PTPRD: variants seen among roughly 807,000 people sequenced by gnomAD.
PTPRD encodes protein tyrosine phosphatase receptor type D.
A neutral mutation model predicts 214.5 loss-of-function variants in PTPRD; 34 were observed. That is an observed-to-expected ratio of 0.16 (90% confidence interval 0.12 to 0.21). PTPRD has a LOEUF of 0.21. Ranked by LOEUF, PTPRD falls within the 10% of genes least tolerant of loss-of-function variation. The pLI, the probability that PTPRD is intolerant of heterozygous loss-of-function variation, is 1.00. For missense variants in PTPRD, 2,545 were observed against 2,398.7 expected (o/e 1.06, Z -1.27); for synonymous variants, 1,128 against 845.7 (o/e 1.33, Z -5.79).
At chr9:9,898,535 T>C (rs751479960) in intron 5 of PTPRD, among the ~76,000 whole-genome samples, 3 of 152,112 alleles carry the variant, frequency 2.0e-5, no homozygotes, top group East Asian at 1.9e-4. Context: ...AGCTCTAGAT[T>C]ACGCTCTAGA....
chr9:10,507,661 T>C (rs1230193095), intron 2 of PTPRD, among the ~76,000 whole-genome samples: 4 of 152,138 alleles, frequency 2.6e-5, no homozygotes, highest in Non-Finnish European at 5.9e-5. Context: ...TACAACCATC[T>C]AATCTTTGAC....
At chr9:10,172,960 C>A (rs2099220105) in intron 3 of PTPRD, among the ~76,000 whole-genome samples, 1 of 152,060 alleles carries the variant, frequency 6.6e-6, no homozygotes. Flanking sequence ...GTGAAAAGGA[C>A]AAGGTTCTAT....
chr9:8,948,507 A>ATATATATATTTATATATATATT (rs1567183582), intron 11 of PTPRD, among the ~76,000 whole-genome samples: 10 of 13,610 alleles, frequency 7.3e-4, no homozygotes, highest in African/African-American at 2.1e-3. Flanking sequence ...ATATATATTT[A>ATATATATATTTATATATATATT]TATATATATA....
intron 33 of PTPRD, among the ~76,000 whole-genome samples, chr9:8,453,443 CG>C (rs1312041508): frequency 2.0e-5 from 3 of 152,108 alleles, no homozygotes; most frequent in South Asian, 4.2e-4. Flanking sequence ...GGATTACAGG[CG>C]TGAGCCACCA....
At chr9:10,128,180 G>C (rs1016509618) in intron 3 of PTPRD, among the ~76,000 whole-genome samples, 1 of 151,914 alleles carries the variant, frequency 6.6e-6, no homozygotes, top group Non-Finnish European at 1.5e-5. Flanking sequence ...CAAAATAATT[G>C]GTTCTCTGAG....
chr9:9,956,496 T>C (rs1044781714), intron 4 of PTPRD, among the ~76,000 whole-genome samples: 1 of 152,174 alleles, frequency 6.6e-6, no homozygotes, highest in African/African-American at 2.4e-5. Flanking sequence ...AAGTGGATTA[T>C]GTTTCAAGTG....
chr9:10,277,265 C>G (rs949070593), intron 3 of PTPRD, among the ~76,000 whole-genome samples: 1 of 128,036 alleles, frequency 7.8e-6, no homozygotes, highest in Non-Finnish European at 1.7e-5. Context: ...AACAACAAAC[C>G]CTGAGTTGAG....
chr9:9,126,321 G>A (rs2099833458), intron 10 of PTPRD, among the ~76,000 whole-genome samples: 1 of 152,278 alleles, frequency 6.6e-6, no homozygotes, highest in African/African-American at 2.4e-5. Flanking sequence ...AATCAGAAAA[G>A]TTGCCAACCG....
rs1599596655 is a variant in PTPRD, at chr9:9,846,173, C to T, written c.-367-79322G>A. Among the ~76,000 whole-genome samples the T allele has an allele frequency of 2.0e-5, 3 of 152,090 alleles. No individual in the cohort carries two copies. In the South Asian group the frequency reaches 6.2e-4, roughly 32 times the overall value. On this transcript the variant is annotated intron_variant, in intron 5 of 45. Transcript: ENST00000381196. ...CCCCAAGCAAGATATTTTATTTCTCCATTTAACATTGTATTGTTCTTACCC... is the reference window on the plus strand; with the variant it reads ...CCCCAAGCAAGATATTTTATTTCTCTATTTAACATTGTATTGTTCTTACCC...
chr9:9,900,641 G>GTTTTTTTTTTTTTTTT lies in PTPRD; in HGVS notation c.-368+37865_-368+37866insAAAAAAAAAAAAAAAA, dbSNP rs1555302230. On this transcript the variant is annotated intron_variant, in intron 5 of 45. Coordinates refer to ENST00000381196, the MANE Select transcript of PTPRD (RefSeq NM_002839.4). ...TCCAAAGGTGCTTCCACATTTTCAG[G>GTTTTTTTTTTTTTTTT]TTTTTTTTTTTTTTGAGATGGAGTC... is the stretch of plus-strand genomic sequence containing the variant. Among the ~76,000 whole-genome samples the GTTTTTTTTTTTTTTTT allele has an allele frequency of 1.1e-3, 130 of 120,058 alleles. 12 individuals are homozygous for GTTTTTTTTTTTTTTTT. The highest frequency in any genetic ancestry group is 3.8e-3 in the African/African-American group (122 of 32,054). 78.8% of individuals were successfully genotyped at this position (120,058 alleles called of 152,430 possible). A position where few individuals can be genotyped will look rare whatever the true frequency, so the allele number is the denominator to read the frequency against.
At chr9:8,829,404 G>C (rs1443470737) in intron 11 of PTPRD, among the ~76,000 whole-genome samples, 1 of 152,050 alleles carries the variant, frequency 6.6e-6, no homozygotes, top group Non-Finnish European at 1.5e-5. Flanking sequence ...TTTGTTTCTG[G>C]CTTCTTTCAC....
chr9:10,104,923 G>A (rs1416055939), intron 3 of PTPRD, among the ~76,000 whole-genome samples: 2 of 151,774 alleles, frequency 1.3e-5, no homozygotes, highest in African/African-American at 4.8e-5. Flanking sequence ...CTTGGCAGCT[G>A]TATTGTAGTT....
chr9:9,236,990 G>C (rs1005300044), intron 9 of PTPRD, among the ~76,000 whole-genome samples: 5 of 152,078 alleles, frequency 3.3e-5, no homozygotes, highest in African/African-American at 7.2e-5. Context: ...ATTAGTTTTT[G>C]TCTGGAATTA....
At chr9:9,627,020 T>A (rs1363603977) in intron 7 of PTPRD, among the ~76,000 whole-genome samples, 1 of 152,160 alleles carries the variant, frequency 6.6e-6, no homozygotes, top group Non-Finnish European at 1.5e-5. Flanking sequence ...GAAAATTAAA[T>A]TCTCGTTTGC....
Position 10,013,059 on chromosome 9 carries a change from G to A in PTPRD, c.-472+20659C>T, listed in dbSNP as rs372800209. Among the ~76,000 whole-genome samples the A allele has an allele frequency of 2.8e-4, 43 of 151,976 alleles. 1 individual carries two copies. In the South Asian group the frequency reaches 4.8e-3, roughly 17 times the overall value. On this transcript the variant is annotated intron_variant, in intron 4 of 45. Coordinates refer to ENST00000381196, the MANE Select transcript of PTPRD (RefSeq NM_002839.4). The stretch of plus-strand genomic sequence containing the variant: ...AGAATAAGCACAGGAAACGAGAAGT[G>A]GCAAATCAATGATTTGAACTTCAAT...
chr9:10,356,514 C>A (rs947450740), intron 2 of PTPRD, among the ~76,000 whole-genome samples: 3 of 152,042 alleles, frequency 2.0e-5, no homozygotes, highest in African/African-American at 7.2e-5. Context: ...ACTATATAGG[C>A]ACTTAATATT....
intron 2 of PTPRD, among the ~76,000 whole-genome samples, chr9:10,563,147 A>G (rs2064511973): frequency 6.6e-6 from 1 of 152,184 alleles, no homozygotes; most frequent in Non-Finnish European, 1.5e-5. Flanking sequence ...GAAACATGCT[A>G]GGACAAATAC....
chr9:9,261,577 A>C (rs1490710711), intron 9 of PTPRD, among the ~76,000 whole-genome samples: 1 of 151,466 alleles, frequency 6.6e-6, no homozygotes, highest in African/African-American at 2.4e-5. Context: ...AAAATGGGGG[A>C]AGGGGTGGCG....
At chr9:9,552,133 T>C (rs975870912) in intron 8 of PTPRD, among the ~76,000 whole-genome samples, 4 of 152,050 alleles carry the variant, frequency 2.6e-5, no homozygotes, top group Admixed American at 2.6e-4. Flanking sequence ...CAGGTATTAG[T>C]ATCTCACTTT....
Sources: allele counts gnomAD v4.1 joint callset (sites outside exome capture counted in the v4.1 genomes callset), GRCh38; gene constraint gnomAD v4.1.1; transcripts MANE v1.5; gene names NCBI Gene and HGNC (gene_info 2026-07-23, HGNC 2026-07-21).